The following RNF6 variants were observed in gnomAD, a reference collection of about 807,000 sequenced individuals.
RNF6 encodes the protein ring finger protein 6.
A neutral mutation model predicts 50.1 loss-of-function variants in RNF6; 21 were observed. That is an observed-to-expected ratio of 0.42 (90% confidence interval 0.30 to 0.60). The LOEUF is 0.60. Among genes scored for constraint, RNF6 ranks in the 20% least tolerant of loss-of-function variants. The probability of loss-of-function intolerance (pLI) is 0.20; values close to 1 mark genes in which losing one functional copy is unlikely to be tolerated. For synonymous variants in RNF6, 255 were observed against 291.8 expected, an observed-to-expected ratio of 0.87 and a Z score of 1.29; for missense variants, 698 against 838.2, an observed-to-expected ratio of 0.83 and a Z score of 2.07.
At chr13:26,205,737 G>A (rs1869079679) in intron 5 of RNF6, among the ~76,000 whole-genome samples, 1 of 152,210 alleles carries the variant, frequency 6.6e-6, no homozygotes, top group African/African-American at 2.4e-5. Flanking sequence ...AAAAAGGCCG[G>A]GTACAGTGGC....
chr13:26,168,835 T>A (rs996897049), intron 5 of RNF6, among the ~76,000 whole-genome samples: 2 of 152,134 alleles, frequency 1.3e-5, no homozygotes, highest in Non-Finnish European at 2.9e-5. Context: ...AGACCCTATC[T>A]CTACAAAAAA....
At chr13:26,155,446 T>A (rs1451530155) in intron 5 of RNF6, among the ~76,000 whole-genome samples, 1 of 152,028 alleles carries the variant, frequency 6.6e-6, no homozygotes, top group Non-Finnish European at 1.5e-5. Context: ...TCCCAAATTA[T>A]CCCAGTGAAG....
chr13:26,160,182 G>C (rs1312760087), intron 5 of RNF6, among the ~76,000 whole-genome samples: 1 of 152,106 alleles, frequency 6.6e-6, no homozygotes, highest in African/African-American at 2.4e-5. Context: ...GTCAATTAAA[G>C]AGAATCTACT....
intron 5 of RNF6, among the ~76,000 whole-genome samples, chr13:26,165,600 G>T (rs181080270): frequency 3.3e-5 from 5 of 152,316 alleles, no homozygotes; most frequent in African/African-American, 7.2e-5. Context: ...GAGCAGAGCT[G>T]CCCAAGACCA....
At chr13:26,142,868 C>A (rs976314089) in intron 5 of RNF6, among the ~76,000 whole-genome samples, 1 of 151,960 alleles carries the variant, frequency 6.6e-6, no homozygotes, top group South Asian at 2.1e-4. Flanking sequence ...GCCCCTGAAT[C>A]TAAAAATAAA....
At chr13:26,207,714 T>C (rs775705680) in intron 5 of RNF6, among the ~76,000 whole-genome samples, 9 of 152,220 alleles carry the variant, frequency 5.9e-5, no homozygotes, top group Admixed American at 1.3e-4. Context: ...CATCCTAAAC[T>C]GAGTTCTCAA....
Position 26,219,475 on chromosome 13 carries a change from T to A in RNF6, c.175A>T (p.Asn59Tyr). Reference protein sequence around the residue: ...DEDYRLMRDHNLLGTPGEITS... With the variant: ...DEDYRLMRDHYLLGTPGEITS... ...CTCTTACCAGGGGTGCCTAAAAGAT[T>A]ATGGTCTCTCATAAGCCGATAATCT... Residue 59 changes from asparagine (N) to tyrosine (Y), a missense_variant, in exon 3 of 5, where the codon AAT becomes TAT. Transcript: ENST00000381588. The A allele has an allele frequency of 6.2e-6, 10 of 1,610,808 alleles. No homozygotes were observed. Among genetic ancestry groups the A allele is most frequent in the Non-Finnish European group, 8.5e-6 (10 of 1,177,954 alleles).
At chr13:26,207,149 G>A (rs1418164748) in intron 5 of RNF6, among the ~76,000 whole-genome samples, 2 of 151,778 alleles carry the variant, frequency 1.3e-5, no homozygotes, top group Non-Finnish European at 2.9e-5. Flanking sequence ...TGACACCTGA[G>A]GTGACAGTTA....
chr13:26,149,598 G>A (rs1030124191), intron 5 of RNF6, among the ~76,000 whole-genome samples: 3 of 150,826 alleles, frequency 2.0e-5, no homozygotes, highest in African/African-American at 4.9e-5. Flanking sequence ...AAAAAAAAAA[G>A]AAAGAAAAAA....
At chr13:26,187,737 G>T (rs943356503) in intron 5 of RNF6, among the ~76,000 whole-genome samples, 8 of 152,154 alleles carry the variant, frequency 5.3e-5, no homozygotes, top group African/African-American at 9.7e-5. Flanking sequence ...GATTTTGGGG[G>T]TTTTTTAAGA....
rs1411875822 is a variant in RNF6, at chr13:26,215,144, A to G, written c.738T>C (p.Pro246=). Residue 246 remains proline, a synonymous_variant, in exon 5 of 5, where the codon CCT becomes CCC. Coordinates refer to ENST00000381588, the MANE Select transcript of RNF6 (RefSeq NM_005977.4). Reference sequence around the variant, plus strand: ...AATTAGTGCGTGAAGCGTTAGCTCGAGGAATGCCAGCTGCTCCCCCAATTC... The same window carrying G: ...AATTAGTGCGTGAAGCGTTAGCTCGGGGAATGCCAGCTGCTCCCCCAATTC... ...RNGIGGAAGI[P]RANASRTNFS... 1 of 1,614,108 alleles carries G rather than the reference A, an allele frequency of 6.2e-7. No individual in the cohort carries two copies. The highest frequency in any genetic ancestry group is 1.3e-5 in the African/African-American group (1 of 74,924).
chr13:26,202,872 G>A lies in RNF6; in HGVS notation n.768+12602C>T, dbSNP rs187920057. On this transcript the variant is annotated intron_variant and non_coding_transcript_variant, in intron 5 of 5. Coordinates refer to the RNF6 transcript ENST00000468480. ...AACTGGATATGAGTCAGCAACAAAAGTCCTTTTATTAATTAAGCTCAAGAC... is the reference window on the plus strand; with the variant it reads ...AACTGGATATGAGTCAGCAACAAAAATCCTTTTATTAATTAAGCTCAAGAC... 1.1e-4 allele frequency among the ~76,000 whole-genome samples: 16 copies of A among 152,262 alleles called. No individual in the cohort carries two copies. In the East Asian group the frequency reaches 3.1e-3, roughly 29 times the overall value.
chr13:26,195,745 C>A (rs997468685), intron 5 of RNF6, among the ~76,000 whole-genome samples: 1 of 152,168 alleles, frequency 6.6e-6, no homozygotes, highest in African/African-American at 2.4e-5. Context: ...GTGGTCCTAA[C>A]CCCTATATCA....
At chr13:26,185,297 C>T (rs980891322) in intron 5 of RNF6, among the ~76,000 whole-genome samples, 3 of 152,102 alleles carry the variant, frequency 2.0e-5, no homozygotes, top group Admixed American at 1.3e-4. Flanking sequence ...CCATCATCCC[C>T]GACCAAGGTA....
chr13:26,134,394 G>T (rs1870543107), intron 5 of RNF6, among the ~76,000 whole-genome samples: 1 of 152,188 alleles, frequency 6.6e-6, no homozygotes, highest in South Asian at 2.1e-4. Flanking sequence ...TTTTTACTAT[G>T]GTGTCAACAT....
intron 5 of RNF6, among the ~76,000 whole-genome samples, chr13:26,193,942 TG>T (rs2137690639): frequency 6.6e-6 from 1 of 152,206 alleles, no homozygotes; most frequent in Non-Finnish European, 1.5e-5. Flanking sequence ...ATTTTCTTAG[TG>T]AAATAGAGAG....
In RNF6 at chr13:26,214,491, A is replaced by T. The variant is rs1172362397; in HGVS notation, c.1391T>A (p.Leu464His). ...RTYVSTITVP[L>H]RRISENELVE... ...AAGCTCATTCTCAGAAATCCTACGAAGAGGAACTGTTATGGTACTAACATA... is the reference window on the plus strand; with the variant it reads ...AAGCTCATTCTCAGAAATCCTACGATGAGGAACTGTTATGGTACTAACATA... Residue 464 changes from leucine to histidine, a missense_variant, in exon 5 of 5, where the codon CTT (leucine) becomes CAT (histidine). Physicochemically the swap from Leu to His is moderately conservative, Grantham distance 99. Transcript: ENST00000381588. 3 of 1,614,214 alleles carry T rather than the reference A, an allele frequency of 1.9e-6. No individual in the cohort carries two copies. The highest frequency in any genetic ancestry group is 2.5e-6 in the Non-Finnish European group (3 of 1,180,052).
At chr13:26,189,413 G>A (rs1868375000) in intron 5 of RNF6, among the ~76,000 whole-genome samples, 1 of 152,192 alleles carries the variant, frequency 6.6e-6, no homozygotes, top group East Asian at 1.9e-4. Context: ...AACAGGCTTA[G>A]TGTGAGTTGG....
intron 5 of RNF6, among the ~76,000 whole-genome samples, chr13:26,179,857 G>A (rs1873148307): frequency 1.3e-5 from 2 of 152,192 alleles, no homozygotes; most frequent in African/African-American, 2.4e-5. Context: ...GGCCCAGGAG[G>A]ACGACTACCA....
Sources: gnomAD v4.1 joint callset for allele counts (sites outside exome capture counted in the v4.1 genomes callset) on GRCh38, gnomAD v4.1.1 for gene constraint, MANE v1.5 for transcripts, NCBI Gene and HGNC (gene_info 2026-07-23, HGNC 2026-07-21) for gene names.